SDCBP: variants seen among roughly 807,000 people sequenced by gnomAD.
SDCBP encodes syntenin-1.
Under a neutral mutation model 30.5 loss-of-function variants are expected in SDCBP, and 22 were observed. The observed-to-expected ratio is 0.72, with a 90% confidence interval of 0.52 to 1.03. The LOEUF (loss-of-function observed/expected upper bound fraction) is 1.03, where lower values mean the gene tolerates loss of function less well. Ranked by LOEUF, SDCBP falls within the 50% of genes least tolerant of loss-of-function variation. The probability of loss-of-function intolerance (pLI) is 0.00; values close to 1 mark genes in which losing one functional copy is unlikely to be tolerated. For synonymous variants in SDCBP, 103 were observed against 118.7 expected (o/e 0.87, Z 0.86); for missense variants, 304 against 369.9 (o/e 0.82, Z 1.46).
chr8:58,570,081 C>T (rs1038337254), intron 2 of SDCBP, among the ~76,000 whole-genome samples: 2 of 152,076 alleles, frequency 1.3e-5, no homozygotes, highest in Admixed American at 6.5e-5. Flanking sequence ...ATTGGTCATA[C>T]AACTTATTAC....
intron 2 of SDCBP, among the ~76,000 whole-genome samples, chr8:58,569,616 C>T (rs1056269886): frequency 6.6e-6 from 1 of 152,106 alleles, no homozygotes; most frequent in Non-Finnish European, 1.5e-5. Flanking sequence ...ACTTAAGTTT[C>T]CTCCATGTCT....
chr8:58,580,628 A>C lies in SDCBP; in HGVS notation c.842+20A>C. On this transcript the variant is annotated intron_variant, in intron 8 of 8. Transcript: ENST00000260130. Reference sequence around the variant, plus strand: ...TAAGCGGTAAGTAAACAATTCCTCAACTTAATGCATATGGTCATGTGACTT... The same window carrying C: ...TAAGCGGTAAGTAAACAATTCCTCACCTTAATGCATATGGTCATGTGACTT... The C allele has an allele frequency of 1.7e-6, 2 of 1,194,648 alleles. No individual in the cohort carries two copies. Among genetic ancestry groups the C allele is most frequent in the Non-Finnish European group, 2.5e-6 (2 of 798,564 alleles). 74.0% of individuals were successfully genotyped at this position (1,194,648 alleles called of 1,614,324 possible).
intron 1 of SDCBP, chr8:58,561,736 G>A (rs1273475455): frequency 1.5e-6 from 1 of 681,958 alleles, no homozygotes; most frequent in Admixed American, 2.2e-5. Context: ...CAACATGAAA[G>A]TATAAAATTA....
chr8:58,580,738 G>A, intron 8 of SDCBP, 130 bp downstream of exon 8: 1 of 616,808 alleles, frequency 1.6e-6, no homozygotes, highest in Non-Finnish European at 2.9e-6. Context: ...GAAATTTGAA[G>A]TAAGTTATTT....
At chr8:58,560,808 A>G (rs1250568854) in intron 1 of SDCBP, 2 of 152,226 alleles carry the variant, frequency 1.3e-5, no homozygotes, top group African/African-American at 2.4e-5. Context: ...GGGAGGGGTG[A>G]TATTTTTTCA....
At position 58,580,326 on chromosome 8, in the gene SDCBP, T is replaced by G. The variant is rs977492818; in HGVS notation, c.751-191T>G. ...AAAAGTTTTTTTTTGGTTAAAATAT[T>G]CAACTCAGTTTACTTAAGCAATTTG... is the stretch of plus-strand genomic sequence containing the variant. On this transcript the variant is annotated intron_variant, in intron 7 of 8. Transcript: ENST00000260130. 2.0e-5 allele frequency among the ~76,000 whole-genome samples: 3 copies of G among 152,178 alleles called. No individual in the cohort carries two copies. In the South Asian group the frequency reaches 6.2e-4, roughly 31 times the overall value.
chr8:58,565,025 C>G lies in SDCBP; in HGVS notation c.-9C>G, dbSNP rs779534908. The stretch of plus-strand genomic sequence containing the variant: ...ACTTTCTTTTTTTCTTTAGAAGAAT[C>G]CTGCAAAAATGTCTCTCTATCCATC... On this transcript the variant is annotated 5_prime_UTR_variant, in exon 2 of 9. The change creates a new upstream start codon in the 5' untranslated region. Transcript: ENST00000260130. 1.3e-6 allele frequency: 2 copies of G among 1,578,006 alleles called. No homozygotes were observed. Among genetic ancestry groups the G allele is most frequent in the African/African-American group, 2.7e-5 (2 of 73,388 alleles).
chr8:58,556,941 A>C (rs1372398062), intron 1 of SDCBP, among the ~76,000 whole-genome samples: 2 of 119,188 alleles, frequency 1.7e-5, no homozygotes, highest in African/African-American at 6.1e-5. Context: ...TATATTATTT[A>C]TGAATAATAT....
chr8:58,561,750 G>C, intron 1 of SDCBP: 2 of 682,068 alleles, frequency 2.9e-6, no homozygotes, highest in South Asian at 1.6e-5. Flanking sequence ...AAAATTAAAT[G>C]ATAAAGCTAT....
Position 58,572,274 on chromosome 8 carries a change from G to A in SDCBP, c.200G>A (p.Arg67His), listed in dbSNP as rs148588308. 180 of 1,612,462 alleles carry A rather than the reference G, an allele frequency of 1.1e-4. 1 individual carries two copies. The African/African-American group carries it at 2.0e-3, about 18-fold the overall frequency. ...CTGAGTTTAAATGAAGAAGAAATAC[G>A]TGCAAATGTGGCCGTGGTTTCTGGT... ...MGLSLNEEEI[R>H]ANVAVVSGAP... Residue 67 changes from arginine (R) to histidine (H), a missense_variant, in exon 4 of 9, where the codon CGT (arginine) becomes CAT (histidine). Coordinates refer to ENST00000260130, the MANE Select transcript of SDCBP (RefSeq NM_005625.4).
intron 5 of SDCBP, chr8:58,576,450 C>T (rs1431482786): frequency 6.6e-6 from 1 of 151,572 alleles, no homozygotes. Context: ...GAGTCTCGTT[C>T]TGTCGCCAGG....
At chr8:58,577,809 C>T (rs1805429294) in intron 5 of SDCBP, among the ~76,000 whole-genome samples, 1 of 152,166 alleles carries the variant, frequency 6.6e-6, no homozygotes, top group African/African-American at 2.4e-5. Flanking sequence ...ATTGAAATCT[C>T]ACTTTTTTGC....
intron 4 of SDCBP, among the ~76,000 whole-genome samples, chr8:58,573,580 G>C (rs568831840): frequency 1.7e-4 from 26 of 152,142 alleles, no homozygotes; most frequent in Non-Finnish European, 3.7e-4. Context: ...TAGTGCCTCT[G>C]AGGGGTTGTA....
chr8:58,569,047 T>A (rs1804870367), intron 2 of SDCBP, among the ~76,000 whole-genome samples: 1 of 151,286 alleles, frequency 6.6e-6, no homozygotes, highest in African/African-American at 2.4e-5. Flanking sequence ...AAAAAGAAAA[T>A]TTTTTTTTCC....
At chr8:58,561,200 TAAAA>T (rs1019764828) in intron 1 of SDCBP, 3 of 151,464 alleles carry the variant, frequency 2.0e-5, no homozygotes, top group Non-Finnish European at 1.5e-5. Context: ...AGAAAAAAAA[TAAAA>T]AAAGAATGAA....
rs945527521 is a variant in SDCBP at position 58,578,153 on chromosome 8, C to T, written c.523C>T (p.His175Tyr). The T allele has an allele frequency of 6.2e-7, 1 of 1,607,810 alleles. No individual in the cohort carries two copies. Among genetic ancestry groups the T allele is most frequent in the Non-Finnish European group, 8.5e-7 (1 of 1,177,836 alleles). The change falls in exon 6 of 9, where the codon CAC (histidine) becomes TAC (tyrosine). Residue 175 changes from histidine (H) to tyrosine (Y), a missense_variant. His to Tyr is a moderately conservative substitution (Grantham distance 83). Transcript: ENST00000260130. ...NCAGWSSDKA[H>Y]KVLKQAFGEK... ...TGCAGGATGGAGCTCTGATAAAGCG[C>T]ACAAGGTGCTCAAACAGGCTTTTGG...
chr8:58,575,038 C>T (rs949582653), intron 4 of SDCBP, among the ~76,000 whole-genome samples: 2 of 152,196 alleles, frequency 1.3e-5, no homozygotes, highest in African/African-American at 2.4e-5. Flanking sequence ...TGCCCAACCC[C>T]AGCCCCTGAC....
chr8:58,555,019 T>TA (rs1397800920), intron 1 of SDCBP, among the ~76,000 whole-genome samples: 1 of 152,218 alleles, frequency 6.6e-6, no homozygotes, highest in East Asian at 1.9e-4. Flanking sequence ...CAGGCAAACA[T>TA]ATAAGCTGTA....
intron 2 of SDCBP, 86 bp downstream of exon 2, chr8:58,565,170 G>A (rs112183357): frequency 2.0e-5 from 12 of 600,368 alleles, no homozygotes; most frequent in African/African-American, 9.7e-5. Flanking sequence ...TAGCTAAATA[G>A]CAGATATATT....
Sources: allele counts gnomAD v4.1 joint callset (sites outside exome capture counted in the v4.1 genomes callset), GRCh38; gene constraint gnomAD v4.1.1; transcripts MANE v1.5; gene names NCBI Gene and HGNC (gene_info 2026-07-23, HGNC 2026-07-21).